Variants in CAMK2G observed in about 807,000 individuals in gnomAD.
The protein encoded by CAMK2G is calcium/calmodulin-dependent protein kinase type II subunit gamma.
In CAMK2G, 23 loss-of-function variants were observed where a neutral mutation model predicts 88.7. The ratio of observed to expected loss-of-function variants is 0.26; its 90% CI spans 0.19 to 0.37. The LOEUF is 0.37. Among genes scored for constraint, CAMK2G ranks in the 10% least tolerant of loss-of-function variants. CAMK2G has a pLI of 1.00. For synonymous variants in CAMK2G, 263 were observed against 294.8 expected, an observed-to-expected ratio of 0.89 and a Z score of 1.11; for missense variants, 476 against 780.8, an observed-to-expected ratio of 0.61 and a Z score of 4.65.
chr10:73,865,885 C>A (rs1359922209), intron 2 of CAMK2G, among the ~76,000 whole-genome samples: 1 of 152,026 alleles, frequency 6.6e-6, no homozygotes, highest in African/African-American at 2.4e-5. Flanking sequence ...CAGCCCCCCC[C>A]TTCCTGTTTG....
chr10:73,816,767 G>A (rs2085694112), intron 21 of CAMK2G: 1 of 1,459,268 alleles, frequency 6.9e-7, no homozygotes, highest in South Asian at 1.2e-5. Context: ...CAAGAAATAA[G>A]TGAGCTTGAT....
chr10:73,849,837 T>G (rs551530570), intron 5 of CAMK2G, among the ~76,000 whole-genome samples: 85 of 152,270 alleles, frequency 5.6e-4, no homozygotes, highest in African/African-American at 2.0e-3. Context: ...ATAATGAAGA[T>G]GGACAAGACC....
Position 73,842,643 on chromosome 10 carries a change from C to A in CAMK2G, c.820-102G>T. 1.2e-6 allele frequency: 1 copy of A among 803,684 alleles called. No homozygotes were observed. The highest frequency in any genetic ancestry group is 2.1e-6 in the Non-Finnish European group (1 of 469,620). The allele number at this position is 803,684 out of a possible 1,614,324, so 49.8% of individuals were successfully genotyped here. On this transcript the variant is annotated intron_variant, in intron 10 of 22. Transcript: ENST00000423381. The surrounding 1 kb of genome is among the most constrained non-coding windows in gnomAD (Gnocchi z 4.6). ...GCCCAGGACAGGGTCATGCACTCAG[C>A]CACCCCAGAGTTGCTCTGAAGATGA...
At chr10:73,846,700 G>A (rs1357911746) in intron 10 of CAMK2G, 1 of 152,366 alleles carries the variant, frequency 6.6e-6, no homozygotes, top group African/African-American at 2.4e-5. Context: ...ATTTCAGCTT[G>A]AAAGAATTGT....
intron 21 of CAMK2G, among the ~76,000 whole-genome samples, chr10:73,815,541 G>C (rs1176404881): frequency 6.6e-6 from 1 of 152,162 alleles, no homozygotes; most frequent in Non-Finnish European, 1.5e-5. Flanking sequence ...TTTCTTGGTG[G>C]ATAATATTTT....
rs548951259 is a variant in CAMK2G, at chr10:73,861,756, A to G, written c.161-867T>C. Reference sequence around the variant, plus strand: ...TAGGGGTTTTGCATATATTCTCTACATAGTCCTGATGGCAAGCCTGAAACA... The same window carrying G: ...TAGGGGTTTTGCATATATTCTCTACGTAGTCCTGATGGCAAGCCTGAAACA... On this transcript the variant is annotated intron_variant, in intron 2 of 22. Coordinates refer to ENST00000423381, the MANE Select transcript of CAMK2G (RefSeq NM_001367534.1). Among the ~76,000 whole-genome samples, 6 of 152,346 alleles carry G rather than the reference A, an allele frequency of 3.9e-5. No individual in the cohort carries two copies. In the South Asian group the frequency reaches 1.2e-3, roughly 32 times the overall value.
At chr10:73,818,072 C>T (rs1261251088) in intron 19 of CAMK2G, 1 of 169,356 alleles carries the variant, frequency 5.9e-6, no homozygotes, top group Non-Finnish European at 1.3e-5. Flanking sequence ...CCAGCTAGGG[C>T]TGGGGTGCCA....
At chr10:73,829,266 T>TTTTA (rs55861420) in intron 14 of CAMK2G, among the ~76,000 whole-genome samples, 48,817 of 140,866 alleles carry the variant, frequency 0.35, 9,064 homozygotes, top group East Asian at 0.56. Context: ...TACATTGGCC[T>TTTTA]TTTATTTATT....
At position 73,848,423 on chromosome 10, in the gene CAMK2G, G is replaced by T; in HGVS notation, c.601+103C>A. ...AAACACCATAATTTCACATACACCA[G>T]GCACGTGTGTGACCTGCAAGGAATA... On this transcript the variant is annotated intron_variant, in intron 8 of 22. Transcript: ENST00000423381. This position sits in a 1 kb window ranked among gnomAD's most constrained non-coding sequence, Gnocchi z 4.5. 1 of 781,428 alleles carries T rather than the reference G, an allele frequency of 1.3e-6. No homozygotes were observed. Among genetic ancestry groups the T allele is most frequent in the East Asian group, 2.6e-5 (1 of 38,026 alleles). 48.4% of individuals were successfully genotyped at this position (781,428 alleles called of 1,614,324 possible). A position where few individuals can be genotyped will look rare whatever the true frequency, so the allele number is the denominator to read the frequency against.
intron 2 of CAMK2G, among the ~76,000 whole-genome samples, chr10:73,863,369 CAAG>C (rs747648019): frequency 1.4e-4 from 21 of 152,354 alleles, no homozygotes; most frequent in Non-Finnish European, 2.2e-4. Context: ...GCGAGGCACT[CAAG>C]GAGGCTGTAA....
chr10:73,815,376 C>CT (rs1364393314), intron 21 of CAMK2G, 129 bp from the exon 22 acceptor site: 9 of 654,736 alleles, frequency 1.4e-5, no homozygotes, highest in South Asian at 3.7e-5. Context: ...ACCGCCCCCC[C>CT]CCACCCCCGA....
intron 3 of CAMK2G, among the ~76,000 whole-genome samples, chr10:73,853,583 G>C (rs567996130): frequency 6.6e-6 from 1 of 152,244 alleles, no homozygotes; most frequent in South Asian, 2.1e-4. Context: ...GAGATGCAGC[G>C]TGAGCAGCAC....
chr10:73,858,420 G>A (rs2095198238), intron 3 of CAMK2G, among the ~76,000 whole-genome samples: 1 of 152,192 alleles, frequency 6.6e-6, no homozygotes. Context: ...CCTGCCACAA[G>A]CCAGGTCCAG....
rs760798743 is a variant in CAMK2G, at chr10:73,848,494, A to C, written c.601+32T>G. On this transcript the variant is annotated intron_variant, in intron 8 of 22. Transcript: ENST00000423381. This position sits in a 1 kb window ranked among gnomAD's most constrained non-coding sequence, Gnocchi z 4.5. ...TCATCGGAAGTTGAGGGCCCTTAAC[A>C]GCGAAAAGCTGAGAGCGTGGAATGG... 2.1e-6 allele frequency: 3 copies of C among 1,452,596 alleles called. No homozygotes were observed. In the African/African-American group the frequency reaches 4.2e-5, roughly 20 times the overall value. The allele number at this position is 1,452,596 out of a possible 1,614,324, so 90.0% of individuals were successfully genotyped here.
chr10:73,827,312 G>T (rs554487103), intron 15 of CAMK2G, among the ~76,000 whole-genome samples: 2 of 152,204 alleles, frequency 1.3e-5, no homozygotes, highest in African/African-American at 4.8e-5. Flanking sequence ...TCAGCCTCCT[G>T]AGTAGCTGGG....
At chr10:73,861,593 T>C (rs2095377420) in intron 2 of CAMK2G, among the ~76,000 whole-genome samples, 1 of 152,024 alleles carries the variant, frequency 6.6e-6, no homozygotes. Flanking sequence ...TGACCTCAGG[T>C]GATCCACCCG....
At chr10:73,861,557 C>T (rs1297508127) in intron 2 of CAMK2G, among the ~76,000 whole-genome samples, 10 of 152,086 alleles carry the variant, frequency 6.6e-5, no homozygotes, top group Admixed American at 5.9e-4. Context: ...GGTTTCACCA[C>T]GTTGGCCAGG....
chr10:73,855,197 C>T (rs931664402), intron 3 of CAMK2G, among the ~76,000 whole-genome samples: 1 of 152,226 alleles, frequency 6.6e-6, no homozygotes, highest in African/African-American at 2.4e-5. Flanking sequence ...CTCCGCCCCA[C>T]TCACTTGCGC....
Position 73,842,197 on chromosome 10 carries a change from C to A in CAMK2G, c.918G>T (p.Thr306=). The A allele has an allele frequency of 3.1e-6, 5 of 1,612,758 alleles. No individual in the cohort carries two copies. Among genetic ancestry groups the A allele is most frequent in the South Asian group, 2.2e-5 (2 of 91,024 alleles). Residue 306 remains threonine, a synonymous_variant, in exon 12 of 23, where the codon ACG becomes ACT. Coordinates refer to ENST00000423381, the MANE Select transcript of CAMK2G (RefSeq NM_001367534.1). The surrounding 1 kb of genome is among the most constrained non-coding windows in gnomAD (Gnocchi z 4.6). ...ARRKLKGAIL[T]TMLVSRNFSV... is the part of the protein sequence containing the mutation. ...AGAAGTTCCTGGAGACAAGCATGGTCGTGAGGATGGCACCCTGGGGAAAGA... is the reference window on the plus strand; with the variant it reads ...AGAAGTTCCTGGAGACAAGCATGGTAGTGAGGATGGCACCCTGGGGAAAGA...
Sources: allele counts gnomAD v4.1 joint callset (sites outside exome capture counted in the v4.1 genomes callset), GRCh38; gene constraint gnomAD v4.1.1; non-coding constraint Gnocchi (gnomAD v3.1); transcripts MANE v1.5; gene names NCBI Gene and HGNC (gene_info 2026-07-23, HGNC 2026-07-21).